ARHGAP45: variants seen among roughly 807,000 people sequenced by gnomAD.
The protein encoded by ARHGAP45 is Rho GTPase activating protein 45.
ARHGAP45 carries 56 observed loss-of-function variants against 116.1 expected under a neutral mutation model. The ratio of observed to expected loss-of-function variants is 0.48; its 90% CI spans 0.39 to 0.60. The LOEUF is 0.60. Ranked by LOEUF, ARHGAP45 falls within the 20% of genes least tolerant of loss-of-function variation. The pLI is 0.00. For missense variants in ARHGAP45, 1,622 were observed against 1,601.0 expected (o/e 1.01, Z -0.22); for synonymous variants, 866 against 701.7 (o/e 1.23, Z -3.70).
chr19:1,074,300 G>A (rs1220425552), intron 7 of ARHGAP45, 43 bp from the exon 8 acceptor site: 3 of 1,612,136 alleles, frequency 1.9e-6, no homozygotes, highest in South Asian at 1.1e-5. Flanking sequence ...GGTGAGCTGG[G>A]AAGGCCTTGT....
chr19:1,075,077 C>G (rs2043219311), intron 10 of ARHGAP45, among the ~76,000 whole-genome samples, 198 bp downstream of exon 10: 1 of 151,988 alleles, frequency 6.6e-6, no homozygotes, highest in South Asian at 2.1e-4. Context: ...CCGTCGCCCC[C>G]AGCTCTGCCT....
chr19:1,084,427 A>G (rs1568486863), intron 22 of ARHGAP45, 81 bp downstream of exon 22: 1 of 1,088,498 alleles, frequency 9.2e-7, no homozygotes, highest in South Asian at 1.4e-5. Flanking sequence ...ACCTAGTTGT[A>G]CACACGTGGC....
At chr19:1,084,964 C>T (rs2043560838) in intron 22 of ARHGAP45, among the ~76,000 whole-genome samples, 2 of 152,140 alleles carry the variant, frequency 1.3e-5, no homozygotes, top group Admixed American at 1.3e-4. Flanking sequence ...CACCTGTAAT[C>T]CCAGCTACTC....
At position 1,079,990 on chromosome 19, in the gene ARHGAP45, G is replaced by A. The variant is rs143535779; in HGVS notation, c.1575G>A (p.Gln525=). The A allele has an allele frequency of 1.6e-4, 261 of 1,612,842 alleles. No individual in the cohort carries two copies. The highest frequency in any genetic ancestry group is 2.1e-4 in the Non-Finnish European group (252 of 1,179,920). ...MQTAPLPVHF[Q]MLCESSKLYD... is the part of the protein sequence containing the mutation. ...CGGCGCCGCTGCCCGTGCACTTCCA[G>A]ATGCTGTGTGAGAGCAGCAAGCTGT... is the stretch of plus-strand genomic sequence containing the variant. Residue 525 remains glutamine (Q), a synonymous_variant, in exon 13 of 23, where the codon CAG becomes CAA. Transcript: ENST00000313093.
chr19:1,074,604 C>T lies in ARHGAP45; in HGVS notation c.994-10C>T. ...CCTCCCCACCCAGTGAGCCGGTGCC[C>T]CACCCACAGCCCCACATGCCGCTCC... is the stretch of plus-strand genomic sequence containing the variant. On this transcript the variant is annotated splice_polypyrimidine_tract_variant and intron_variant, in intron 8 of 22. Transcript: ENST00000313093. The T allele has an allele frequency of 6.4e-7, 1 of 1,553,464 alleles. No individual in the cohort carries two copies. The highest frequency in any genetic ancestry group is 8.7e-7 in the Non-Finnish European group (1 of 1,148,524).
chr19:1,085,858 G>A lies in ARHGAP45; in HGVS notation c.3263G>A (p.Gly1088Glu), dbSNP rs201676233. Residue 1088 changes from glycine (G) to glutamate (E), a missense_variant, in exon 23 of 23, where the codon GGG becomes GAG. Gly to Glu is a moderately conservative substitution (Grantham distance 98). Around this residue, in one of 3 missense-constraint regions of ARHGAP45, gnomAD observed 1,334 missense variants for 1,263.8 expected, o/e 1.06. Transcript: ENST00000313093. ...GCCACAGCCCGGGAGGACGGGGACG[G>A]GGACGAGGACGGCCCGGCCCAGCAG... is the stretch of plus-strand genomic sequence containing the variant. ...LEATAREDGD[G>E]DEDGPAQQLS... The A allele has an allele frequency of 8.1e-6, 13 of 1,612,838 alleles. No individual in the cohort carries two copies. The East Asian group carries it at 1.8e-4, about 22-fold the overall frequency.
Position 1,083,185 on chromosome 19 carries a change from C to T in ARHGAP45, c.2787C>T (p.Asn929=). The T allele has an allele frequency of 1.2e-6, 2 of 1,611,360 alleles. No individual in the cohort carries two copies. Among genetic ancestry groups the T allele is most frequent in the Non-Finnish European group, 1.7e-6 (2 of 1,179,546 alleles). The change falls in exon 21 of 23, where the codon AAC becomes AAT. Residue 929 remains asparagine (N), a synonymous_variant. Coordinates refer to ENST00000313093, the MANE Select transcript of ARHGAP45 (RefSeq NM_012292.5). ...VEQDNKMTPG[N]LGIVFGPTLL... ...AGGACAACAAGATGACCCCCGGGAA[C>T]CTGGGCATCGTGTTCGGGCCCACGC...
At position 1,081,902 on chromosome 19, in the gene ARHGAP45, G is replaced by C. The variant is rs1165698367; in HGVS notation, c.2458G>C (p.Glu820Gln). The C allele has an allele frequency of 6.2e-7, 1 of 1,612,954 alleles. No homozygotes were observed. ...QAFENGKELV[E>Q]LSQASPHDIS... is the part of the protein sequence containing the mutation. The stretch of plus-strand genomic sequence containing the variant: ...CTTCGAGAACGGCAAGGAGCTGGTC[G>C]AGCTGTCGCAGGCCTCGCCCCACGA... Residue 820 changes from glutamate to glutamine, a missense_variant, in exon 19 of 23, where the codon GAG becomes CAG. By Grantham distance (29) the Glu-to-Gln change is conservative. Coordinates refer to ENST00000313093, the MANE Select transcript of ARHGAP45 (RefSeq NM_012292.5).
chr19:1,074,816 G>T lies in ARHGAP45; in HGVS notation c.1122G>T (p.Arg374=), dbSNP rs763425080. The part of the protein sequence containing the change: ...QTFMQPLTLR[R]LEHEKRRKEI... ...CGCCCCAGCCCCTGACCCTGCGGCGGCTTGAACACGAGAAGCGCAGGAAGG... is the reference window on the plus strand; with the variant it reads ...CGCCCCAGCCCCTGACCCTGCGGCGTCTTGAACACGAGAAGCGCAGGAAGG... Residue 374 remains arginine, a synonymous_variant, in exon 10 of 23, where the codon CGG becomes CGT. Transcript: ENST00000313093. 2 of 1,535,244 alleles carry T rather than the reference G, an allele frequency of 1.3e-6. No homozygotes were observed. The highest frequency in any genetic ancestry group is 1.8e-6 in the Non-Finnish European group (2 of 1,133,594).
In ARHGAP45 at chr19:1,083,043, G is replaced by C. The variant is rs1257795171; in HGVS notation, c.2721G>C (p.Gln907His). 6.5e-7 allele frequency: 1 copy of C among 1,546,868 alleles called. No individual in the cohort carries two copies. Residue 907 changes from glutamine to histidine, a missense_variant, in exon 20 of 23, where the codon CAG (glutamine) becomes CAC (histidine). Coordinates refer to ENST00000313093, the MANE Select transcript of ARHGAP45 (RefSeq NM_012292.5). ...DLPPENRASLQYLLRHLRRIV... is the reference protein window; with the variant it reads ...DLPPENRASLHYLLRHLRRIV... ...CGCCTGAGAACCGGGCCTCGCTGCA[G>C]TACCTGCTGCGTCACCTACGCAGGT... is the stretch of plus-strand genomic sequence containing the variant.
chr19:1,084,401 G>T, intron 22 of ARHGAP45, 55 bp downstream of exon 22: 1 of 1,375,824 alleles, frequency 7.3e-7, no homozygotes. Context: ...TGCCACCCAT[G>T]GGCGCAGGTG....
chr19:1,080,475 C>G lies in ARHGAP45; in HGVS notation c.1840C>G (p.His614Asp), dbSNP rs753242919. The G allele has an allele frequency of 6.2e-7, 1 of 1,612,870 alleles. No homozygotes were observed. The highest frequency in any genetic ancestry group is 8.5e-7 in the Non-Finnish European group (1 of 1,179,948). ...GCCTCTTTCTCCAGCCGGGCGAGGA[C>G]ACCAGGTTCACAAGTCATGGCCGCT... is the stretch of plus-strand genomic sequence containing the variant. ...PAKDHRAGRGHQVHKSWPLSI... is the reference protein window; with the variant it reads ...PAKDHRAGRGDQVHKSWPLSI... The change falls in exon 15 of 23, where the codon CAC becomes GAC. Residue 614 changes from histidine to aspartate, a missense_variant. His to Asp is a moderately conservative substitution (Grantham distance 81). This residue lies in a region of ARHGAP45 where 1,334 missense variants were observed against 1,263.8 expected (regional missense o/e 1.06). Coordinates refer to ENST00000313093, the MANE Select transcript of ARHGAP45 (RefSeq NM_012292.5).
Position 1,086,059 on chromosome 19 carries a change from C to G in ARHGAP45, c.*53C>G. 6.8e-7 allele frequency: 1 copy of G among 1,470,766 alleles called. No individual in the cohort carries two copies. The highest frequency in any genetic ancestry group is 1.2e-5 in the South Asian group (1 of 82,264). The allele number at this position is 1,470,766 out of a possible 1,614,324, so 91.1% of individuals were successfully genotyped here. On this transcript the variant is annotated 3_prime_UTR_variant, in exon 23 of 23. Coordinates refer to ENST00000313093, the MANE Select transcript of ARHGAP45 (RefSeq NM_012292.5). Reference sequence around the variant, plus strand: ...GCTTCTCTCTTGCCTGCTCCTGTCCCTCCAGCACGTCCCCTGCACCACGGC... The same window carrying G: ...GCTTCTCTCTTGCCTGCTCCTGTCCGTCCAGCACGTCCCCTGCACCACGGC...
intron 10 of ARHGAP45, 102 bp from the exon 11 acceptor site, chr19:1,077,755 T>C: frequency 1.9e-6 from 3 of 1,538,838 alleles, no homozygotes; most frequent in Admixed American, 2.0e-5. Flanking sequence ...CCATGGGGCC[T>C]TGCTGAGAGA....
chr19:1,067,695 G>T, intron 1 of ARHGAP45, 200 bp downstream of exon 1: 1 of 708,478 alleles, frequency 1.4e-6, no homozygotes, highest in Non-Finnish European at 2.6e-6. Context: ...TGGGAGTGGT[G>T]GCCGCCTCCC....
intron 22 of ARHGAP45, 131 bp from the exon 23 acceptor site, chr19:1,085,529 C>G (rs1213270983): frequency 1.6e-6 from 1 of 643,418 alleles, no homozygotes; most frequent in East Asian, 2.8e-5. Flanking sequence ...CCTGTCTCTC[C>G]CCATCTCTCC....
In ARHGAP45 at chr19:1,080,073, C is replaced by T; in HGVS notation, c.1658C>T (p.Pro553Leu). 1.2e-6 allele frequency: 2 copies of T among 1,612,604 alleles called. No homozygotes were observed. Among genetic ancestry groups the T allele is most frequent in the Non-Finnish European group, 1.7e-6 (2 of 1,179,910 alleles). Residue 553 changes from proline to leucine, a missense_variant, in exon 13 of 23, where the codon CCC becomes CTC. Around this residue, in one of 3 missense-constraint regions of ARHGAP45, gnomAD observed 1,334 missense variants for 1,263.8 expected, o/e 1.06. Coordinates refer to ENST00000313093, the MANE Select transcript of ARHGAP45 (RefSeq NM_012292.5). ...HVRQLQRDQE[P>L]DVHYDFEPHV... ...CGCCAGCTGCAGCGGGACCAGGAGC[C>T]CGATGTGCACTACGACTTTGAGCCC...
chr19:1,081,216 G>T, intron 17 of ARHGAP45, 152 bp downstream of exon 17: 1 of 939,366 alleles, frequency 1.1e-6, no homozygotes, highest in Non-Finnish European at 1.6e-6. Flanking sequence ...GGTGGGGTGG[G>T]CTCTTTTAGT....
At chr19:1,080,215 C>G (rs770237422) in intron 13 of ARHGAP45, 40 bp from the exon 14 acceptor site, 2 of 1,611,014 alleles carry the variant, frequency 1.2e-6, no homozygotes, top group South Asian at 2.2e-5. Context: ...CTGTCTTGCC[C>G]CCCATCACCT....
Sources: allele counts gnomAD v4.1 joint callset (sites outside exome capture counted in the v4.1 genomes callset), GRCh38; gene constraint gnomAD v4.1.1; regional missense constraint gnomAD v4.1.1; transcripts MANE v1.5; gene names NCBI Gene and HGNC (gene_info 2026-07-23, HGNC 2026-07-21).